CEP63: variants seen among roughly 807,000 people sequenced by gnomAD.
CEP63 encodes the protein centrosomal protein of 63 kDa.
CEP63 carries 84 observed loss-of-function variants against 89.1 expected under a neutral mutation model. That is an observed-to-expected ratio of 0.94 (90% CI 0.79 to 1.13). The LOEUF is 1.13. Ranked by LOEUF, CEP63 falls within the 50% of genes most tolerant of loss-of-function variation. The probability of loss-of-function intolerance (pLI) is 0.00; values close to 1 mark genes in which losing one functional copy is unlikely to be tolerated. For missense variants in CEP63, 838 were observed against 813.3 expected (o/e 1.03, Z -0.37); for synonymous variants, 267 against 272.5 (o/e 0.98, Z 0.20).
chr3:134,668,336 TG>T, the CEP63 span, among the ~76,000 whole-genome samples: 1 of 152,170 alleles, frequency 6.6e-6, no homozygotes, highest in Non-Finnish European at 1.5e-5. Flanking sequence ...TGTGCAACCC[TG>T]GCCAGGTCAG....
chr3:134,765,449 A>G, the CEP63 span, among the ~76,000 whole-genome samples: 3 of 152,122 alleles, frequency 2.0e-5, no homozygotes, highest in Non-Finnish European at 4.4e-5. Context: ...AGCCCAGGGC[A>G]GGGGCCCCAA....
rs771409900 is a variant in CEP63 at position 134,536,041 on chromosome 3, T to C, written c.442-1114T>C. 5 of 152,200 alleles carry C rather than the reference T, an allele frequency of 3.3e-5. No homozygotes were observed. In the East Asian group the frequency reaches 7.7e-4, roughly 23 times the overall value. 9.4% of individuals were successfully genotyped at this position (152,200 alleles called of 1,614,324 possible). A position where few individuals can be genotyped will look rare whatever the true frequency, so the allele number is the denominator to read the frequency against. ...CCTTAAACACACCAGGATGCTCTTA[T>C]TTCAAGGCTATTCTTTCCACCCAGA... On this transcript the variant is annotated intron_variant, in intron 5 of 14. Coordinates refer to ENST00000675561, the MANE Select transcript of CEP63 (RefSeq NM_001353108.3).
the CEP63 span, among the ~76,000 whole-genome samples, chr3:134,675,728 T>C: frequency 0.093 from 14,234 of 152,268 alleles, 2,195 homozygotes; most frequent in African/African-American, 0.32. Flanking sequence ...GCTTTGAATA[T>C]ACATTTCTCC....
the CEP63 span, among the ~76,000 whole-genome samples, chr3:134,635,493 TAAAAAAAAA>T: frequency 3.8e-5 from 3 of 79,352 alleles, no homozygotes; most frequent in African/African-American, 4.9e-5. Context: ...CGAGACTCTG[TAAAAAAAAA>T]AAAAAAAAAA....
chr3:134,667,668 G>T, the CEP63 span, among the ~76,000 whole-genome samples: 1 of 152,244 alleles, frequency 6.6e-6, no homozygotes, highest in African/African-American at 2.4e-5. Flanking sequence ...CGCTCCCACA[G>T]TGGTGGGCAT....
chr3:134,780,503 C>T, the CEP63 span: 1 of 152,254 alleles, frequency 6.6e-6, no homozygotes, highest in African/African-American at 2.4e-5. Context: ...AGACATACAG[C>T]CTTTGTCCTT....
the CEP63 span, among the ~76,000 whole-genome samples, chr3:134,710,663 G>A: frequency 7.3e-5 from 11 of 150,566 alleles, no homozygotes; most frequent in African/African-American, 1.2e-4. Flanking sequence ...TTACACAATC[G>A]TACTTTGGTT....
chr3:134,618,788 C>T, the CEP63 span, among the ~76,000 whole-genome samples: 2 of 152,202 alleles, frequency 1.3e-5, no homozygotes, highest in East Asian at 1.9e-4. Flanking sequence ...TGAGGACAGC[C>T]TTTCACAGTC....
intron 3 of CEP63, among the ~76,000 whole-genome samples, chr3:134,527,129 C>T (rs1395636691): frequency 1.3e-5 from 2 of 152,232 alleles, no homozygotes; most frequent in Non-Finnish European, 2.9e-5. Flanking sequence ...GGGGGACACA[C>T]TTGTCAGCTA....
intron 2 of CEP63, among the ~76,000 whole-genome samples, chr3:134,506,026 G>T (rs1943359442): frequency 6.6e-6 from 1 of 152,208 alleles, no homozygotes; most frequent in South Asian, 2.1e-4. Flanking sequence ...TGTGAAGCTA[G>T]TTGTTTGCCT....
the CEP63 span, among the ~76,000 whole-genome samples, chr3:134,723,295 C>T: frequency 1.2e-4 from 19 of 152,164 alleles, no homozygotes; most frequent in East Asian, 3.8e-4. Flanking sequence ...ACAGCCATAG[C>T]GTGCTAGTTC....
intron 10 of CEP63, among the ~76,000 whole-genome samples, chr3:134,580,332 G>T (rs1958315815): frequency 6.6e-6 from 1 of 152,128 alleles, no homozygotes; most frequent in South Asian, 2.1e-4. Flanking sequence ...AAGCTTTCTG[G>T]GGTAACTGAA....
chr3:134,618,828 G>A, the CEP63 span, among the ~76,000 whole-genome samples: 8 of 152,136 alleles, frequency 5.3e-5, no homozygotes, highest in African/African-American at 9.7e-5. Flanking sequence ...CTGTCCTCCC[G>A]CTCCCAGGCC....
chr3:134,608,930 G>T, the CEP63 span: 38 of 1,433,502 alleles, frequency 2.7e-5, no homozygotes, highest in Non-Finnish European at 3.2e-5. Context: ...TGGACACCCT[G>T]GATGGGAAGA....
At chr3:134,781,619 G>C in the CEP63 span, among the ~76,000 whole-genome samples, 1 of 152,140 alleles carries the variant, frequency 6.6e-6, no homozygotes, top group Non-Finnish European at 1.5e-5. Context: ...TAACAAACCT[G>C]TACATGTACT....
At chr3:134,656,150 G>T in the CEP63 span, among the ~76,000 whole-genome samples, 2 of 152,270 alleles carry the variant, frequency 1.3e-5, no homozygotes, top group East Asian at 3.9e-4. Context: ...AAAGAGTAAG[G>T]ACAGGGGAGA....
the CEP63 span, among the ~76,000 whole-genome samples, chr3:134,758,045 T>G: frequency 6.6e-6 from 1 of 152,154 alleles, no homozygotes; most frequent in Non-Finnish European, 1.5e-5. Context: ...ATCACGATGA[T>G]GTATCTAAGG....
At chr3:134,588,717 G>C (rs867268594), downstream of CEP63, among the ~76,000 whole-genome samples, 5 of 152,104 alleles carry the variant, frequency 3.3e-5, no homozygotes, top group African/African-American at 1.2e-4. Flanking sequence ...GACATAAGGA[G>C]TAGCAATTAA....
At chr3:134,490,266 T>G (rs1401865174) in intron 1 of CEP63, among the ~76,000 whole-genome samples, 1 of 152,208 alleles carries the variant, frequency 6.6e-6, no homozygotes, top group Non-Finnish European at 1.5e-5. Context: ...ATTTTACAGT[T>G]TTTTCACACG....
Sources: allele counts gnomAD v4.1 joint callset (sites outside exome capture counted in the v4.1 genomes callset), GRCh38; gene constraint gnomAD v4.1.1; transcripts MANE v1.5; gene names NCBI Gene and HGNC (gene_info 2026-07-23, HGNC 2026-07-21).